Variants in CLTRN observed in about 807,000 individuals in gnomAD.
The protein encoded by CLTRN is collectrin.
Under a neutral mutation model 14.5 loss-of-function variants are expected in CLTRN, and 12 were observed. That is an observed-to-expected ratio of 0.83 (90% confidence interval 0.53 to 1.34). The LOEUF is 1.34. CLTRN is among the 40% of genes most tolerant of loss of function. The pLI, the probability that CLTRN is intolerant of heterozygous loss-of-function variation, is 0.00. For missense variants in CLTRN, 154 were observed against 165.1 expected (o/e 0.93, Z 0.37); for synonymous variants, 58 against 56.5 (o/e 1.03, Z -0.12).
At chrX:15,657,269 G>C (rs749347651) in intron 3 of CLTRN, among the ~76,000 whole-genome samples, 1 of 112,404 alleles carries the variant, frequency 8.9e-6, no homozygotes, top group African/African-American at 3.2e-5. Context: ...CAAAGTTTTG[G>C]GATTGGAGGC....
Position 15,664,374 on chromosome X carries a change from A to C in CLTRN, c.80T>G (p.Val27Gly). ...CQPGAENAFKVRLSIRTALGD... is the reference protein window; with the variant it reads ...CQPGAENAFKGRLSIRTALGD... Reference sequence around the variant, plus strand: ...CAGAGCTGTTCTGATACTAAGTCTCACTTTAAAAGCATTTTCTGCACCTGC... The same window carrying C: ...CAGAGCTGTTCTGATACTAAGTCTCCCTTTAAAAGCATTTTCTGCACCTGC... Residue 27 changes from valine to glycine, a missense_variant, in exon 2 of 6, where the codon GTG (valine) becomes GGG (glycine). Val to Gly is a moderately radical substitution (Grantham distance 109). Coordinates refer to ENST00000380342, the MANE Select transcript of CLTRN (RefSeq NM_020665.6). The C allele has an allele frequency of 8.4e-7, 1 of 1,190,916 alleles. No homozygotes were observed.
chrX:15,659,615 T>C (rs1327771127), intron 2 of CLTRN, among the ~76,000 whole-genome samples: 2 of 111,757 alleles, frequency 1.8e-5, no homozygotes, highest in Non-Finnish European at 3.8e-5. Context: ...TAACTCTATT[T>C]GGAGACAGGG....
At chrX:15,628,790 G>C (rs752399923) in intron 5 of CLTRN, among the ~76,000 whole-genome samples, 2 of 112,049 alleles carry the variant, frequency 1.8e-5, no homozygotes, top group Non-Finnish European at 3.8e-5. Context: ...ACAACTTGTA[G>C]TTATAATTCC....
chrX:15,653,444 T>C (rs948992225), intron 3 of CLTRN, among the ~76,000 whole-genome samples: 2 of 111,369 alleles, frequency 1.8e-5, no homozygotes, highest in African/African-American at 6.5e-5. Context: ...CATTTGCCCA[T>C]AGCATCCTCA....
intron 5 of CLTRN, among the ~76,000 whole-genome samples, chrX:15,628,914 T>C (rs887902298): frequency 1.7e-4 from 19 of 112,189 alleles, no homozygotes; most frequent in Non-Finnish European, 5.6e-5. Flanking sequence ...GTAATATTTC[T>C]TTGGAGTGTG....
At chrX:15,633,668 G>A (rs181853069) in intron 5 of CLTRN, among the ~76,000 whole-genome samples, 6 of 112,520 alleles carry the variant, frequency 5.3e-5, no homozygotes, top group Middle Eastern at 4.3e-3. Flanking sequence ...AGCCACATCC[G>A]CTTGTGTGAA....
Position 15,664,690 on chromosome X carries a change from T to C in CLTRN, c.58+28A>G, listed in dbSNP as rs370084733. 42 of 1,157,583 alleles carry C rather than the reference T, an allele frequency of 3.6e-5. No homozygotes were observed. In the African/African-American group the frequency reaches 5.9e-4, roughly 16 times the overall value. On this transcript the variant is annotated intron_variant, in intron 1 of 5. Coordinates refer to ENST00000380342, the MANE Select transcript of CLTRN (RefSeq NM_020665.6). The stretch of plus-strand genomic sequence containing the variant: ...TGTCAAACATGTAGAAAACTGTTCA[T>C]CTATTTTTAAATTTCAAGGCTACAT...
At chrX:15,666,583 G>A (rs761850041), upstream of CLTRN, among the ~76,000 whole-genome samples, 1 of 112,042 alleles carries the variant, frequency 8.9e-6, no homozygotes, top group Admixed American at 9.4e-5. Context: ...TTGCGAGGGT[G>A]GTATTTTATT....
chrX:15,645,160 GAAGA>G (rs1929034191), intron 3 of CLTRN, 131 bp from the exon 4 acceptor site: 1 of 378,681 alleles, frequency 2.6e-6, no homozygotes, highest in East Asian at 4.3e-5. Flanking sequence ...CTACCATTAT[GAAGA>G]ATGAGCTCAG....
intron 5 of CLTRN, 65 bp from the exon 6 acceptor site, chrX:15,628,192 T>C: frequency 1.2e-6 from 1 of 824,803 alleles, no homozygotes; most frequent in Non-Finnish European, 1.6e-6. Flanking sequence ...GCATATGGTC[T>C]TCTGAACGAA....
chrX:15,658,811 A>G (rs2147212292), intron 3 of CLTRN, among the ~76,000 whole-genome samples: 1 of 109,950 alleles, frequency 9.1e-6, no homozygotes, highest in East Asian at 2.8e-4. Context: ...TCTTCATATT[A>G]TCTATTAAAC....
At chrX:15,648,337 G>C (rs1197686934) in intron 3 of CLTRN, among the ~76,000 whole-genome samples, 1 of 111,508 alleles carries the variant, frequency 9.0e-6, no homozygotes, top group Non-Finnish European at 1.9e-5. Context: ...TATGTTGTGA[G>C]GATACCATGT....
intron 4 of CLTRN, 22 bp from the exon 5 acceptor site, chrX:15,639,778 A>G (rs1265825266): frequency 8.8e-7 from 1 of 1,140,061 alleles, no homozygotes; most frequent in African/African-American, 1.8e-5. Flanking sequence ...TGATAATTAA[A>G]AATAAACAAA....
At chrX:15,644,860 G>A (rs1929023425) in intron 4 of CLTRN, 56 bp downstream of exon 4, 1 of 754,612 alleles carries the variant, frequency 1.3e-6, no homozygotes, top group South Asian at 2.7e-5. Context: ...TTTAAAAACA[G>A]TTGAATTAAT....
intron 3 of CLTRN, among the ~76,000 whole-genome samples, chrX:15,656,875 GC>G (rs1929378990): frequency 9.0e-6 from 1 of 110,882 alleles, no homozygotes; most frequent in Non-Finnish European, 1.9e-5. Context: ...GTCCAGTTTT[GC>G]AGTTTTGATT....
intron 1 of CLTRN, among the ~76,000 whole-genome samples, chrX:15,670,035 G>C (rs1929686971): frequency 9.0e-6 from 1 of 111,030 alleles, no homozygotes; most frequent in Non-Finnish European, 1.9e-5. Flanking sequence ...CAGCACTTTG[G>C]GAGGGCGAGG....
At chrX:15,641,879 C>T (rs1407791593) in intron 4 of CLTRN, among the ~76,000 whole-genome samples, 4 of 110,992 alleles carry the variant, frequency 3.6e-5, no homozygotes, top group African/African-American at 9.9e-5. Context: ...GCTTGAGAAT[C>T]TCTGCAGGCC....
chrX:15,670,725 G>A (rs1254433959), intron 1 of CLTRN, among the ~76,000 whole-genome samples: 2 of 111,133 alleles, frequency 1.8e-5, no homozygotes, highest in Non-Finnish European at 3.8e-5. Flanking sequence ...TGGCAGATGA[G>A]AGGATTCTAC....
chrX:15,663,315 C>T (rs905537769), intron 2 of CLTRN, among the ~76,000 whole-genome samples: 1 of 112,315 alleles, frequency 8.9e-6, no homozygotes, highest in Non-Finnish European at 1.9e-5. Flanking sequence ...ACCCTGCACA[C>T]TAGTAGAGAC....
Sources: allele counts gnomAD v4.1 joint callset (sites outside exome capture counted in the v4.1 genomes callset), GRCh38; gene constraint gnomAD v4.1.1; transcripts MANE v1.5; gene names NCBI Gene and HGNC (gene_info 2026-07-23, HGNC 2026-07-21).